The following FILIP1L variants were observed in gnomAD, a reference collection of about 807,000 sequenced individuals.
The protein encoded by FILIP1L is filamin A interacting protein 1 like.
FILIP1L carries 55 observed loss-of-function variants against 96.6 expected under a neutral mutation model. That is an observed-to-expected ratio of 0.57 (90% CI 0.46 to 0.71). The LOEUF is 0.71. FILIP1L is among the 30% of genes least tolerant of loss of function. FILIP1L has a pLI of 0.00. For synonymous variants in FILIP1L, 467 were observed against 473.9 expected (o/e 0.99, Z 0.19); for missense variants, 1,304 against 1,321.2 (o/e 0.99, Z 0.20).
At chr3:99,940,544 T>C (rs1707820720) in intron 1 of FILIP1L, among the ~76,000 whole-genome samples, 1 of 152,248 alleles carries the variant, frequency 6.6e-6, no homozygotes, top group Admixed American at 6.5e-5. Context: ...GGTCATGCCC[T>C]GAGCCAACAC....
At chr3:99,938,749 G>A (rs956198968) in intron 1 of FILIP1L, among the ~76,000 whole-genome samples, 12 of 152,136 alleles carry the variant, frequency 7.9e-5, no homozygotes. Context: ...GATGTTAATA[G>A]CGCTCAGTTG....
intron 5 of FILIP1L, among the ~76,000 whole-genome samples, chr3:99,840,580 AATG>A (rs906817136): frequency 6.6e-6 from 1 of 152,184 alleles, no homozygotes; most frequent in African/African-American, 2.4e-5. Flanking sequence ...TAAGTGGAAA[AATG>A]AGGAAGAAGT....
chr3:99,850,833 A>G lies in FILIP1L; in HGVS notation c.843T>C (p.Val281=). The G allele has an allele frequency of 6.2e-7, 1 of 1,614,032 alleles. No homozygotes were observed. Among genetic ancestry groups the G allele is most frequent in the Non-Finnish European group, 8.5e-7 (1 of 1,180,006 alleles). The change falls in exon 5 of 6, where the codon GTT becomes GTC. Residue 281 remains valine, a synonymous_variant. Transcript: ENST00000477258. ...TGGTTGCCTTCTGCTCTTCCTCCTG[A>G]ACTCTGGCTTCAGCAAGGGCTAGTT... is the stretch of plus-strand genomic sequence containing the variant. ...HTKLALAEAR[V]QEEEQKATRL...
Position 99,848,592 on chromosome 3 carries a change from C to T in FILIP1L, c.3084G>A (p.Lys1028=). The T allele has an allele frequency of 1.9e-6, 3 of 1,614,176 alleles. No homozygotes were observed. The highest frequency in any genetic ancestry group is 2.5e-6 in the Non-Finnish European group (3 of 1,180,018). Residue 1028 remains lysine, a synonymous_variant, in exon 5 of 6, where the codon AAG becomes AAA. Transcript: ENST00000477258. The part of the protein sequence containing the change: ...RSPEPTEISA[K]HAIFRVSPDR... ...CTGGGGAGACTCTGAATATCGCATG[C>T]TTGGCACTGATTTCTGTTGGTTCTG...
At chr3:100,048,694 G>A (rs952765808) in intron 1 of FILIP1L, among the ~76,000 whole-genome samples, 10 of 152,124 alleles carry the variant, frequency 6.6e-5, no homozygotes, top group Non-Finnish European at 1.3e-4. Flanking sequence ...CTCACTAAAG[G>A]AAGCAATCAA....
intron 4 of FILIP1L, among the ~76,000 whole-genome samples, chr3:99,862,374 G>T (rs767562881): frequency 1.1e-4 from 16 of 152,148 alleles, no homozygotes; most frequent in Admixed American, 2.6e-4. Context: ...TGGAATGAAA[G>T]ATATGACTAC....
intron 5 of FILIP1L, among the ~76,000 whole-genome samples, chr3:99,834,603 T>G (rs1942819514): frequency 6.6e-6 from 1 of 152,220 alleles, no homozygotes. Flanking sequence ...CCTCATTTGT[T>G]CTCTTTTTAT....
chr3:100,093,526 C>T (rs116431974), intron 1 of FILIP1L, among the ~76,000 whole-genome samples: 2,546 of 152,044 alleles, frequency 0.017, 33 homozygotes, highest in Middle Eastern at 0.031. Context: ...TGCATTTGTA[C>T]GGAATAATGC....
At chr3:99,851,766 G>C (rs1943709457) in intron 4 of FILIP1L, among the ~76,000 whole-genome samples, 1 of 152,208 alleles carries the variant, frequency 6.6e-6, no homozygotes, top group South Asian at 2.1e-4. Flanking sequence ...GCACTTCACT[G>C]ATAGACCTCT....
intron 1 of FILIP1L, among the ~76,000 whole-genome samples, chr3:100,111,390 C>T (rs1055623448): frequency 6.6e-6 from 1 of 152,146 alleles, no homozygotes; most frequent in Non-Finnish European, 1.5e-5. Context: ...ATTAGCTGGG[C>T]TAGTCCCTTA....
Position 99,935,279 on chromosome 3 carries a change from G to A in FILIP1L, c.-10-4249C>T, listed in dbSNP as rs1001635221. On this transcript the variant is annotated intron_variant, in intron 1 of 5. Coordinates refer to ENST00000477258, the MANE Select transcript of FILIP1L (RefSeq NM_001387850.1). Reference sequence around the variant, plus strand: ...TTTCAGGGTACCAAAAAAAAAAAAAGGAAAGTTGCTTTTTGTGTATGCCAA... The same window carrying A: ...TTTCAGGGTACCAAAAAAAAAAAAAAGAAAGTTGCTTTTTGTGTATGCCAA... Among the ~76,000 whole-genome samples, 55 of 126,870 alleles carry A rather than the reference G, an allele frequency of 4.3e-4. 1 individual carries two copies. The highest frequency in any genetic ancestry group is 8.7e-3 in the Middle Eastern group (2 of 230). The allele number at this position is 126,870 out of a possible 152,430, so 83.2% of individuals were successfully genotyped here.
At chr3:99,880,214 A>G (rs1308307521) in intron 4 of FILIP1L, among the ~76,000 whole-genome samples, 2 of 151,702 alleles carry the variant, frequency 1.3e-5, no homozygotes, top group Admixed American at 6.6e-5. Context: ...TTTCTAATCA[A>G]CCTCATTTCT....
intron 4 of FILIP1L, among the ~76,000 whole-genome samples, chr3:99,915,844 A>G (rs1400170647): frequency 6.6e-6 from 1 of 152,220 alleles, no homozygotes; most frequent in Non-Finnish European, 1.5e-5. Flanking sequence ...TCTCCCCTAT[A>G]CTAAACAATA....
In FILIP1L at chr3:99,850,269, G is replaced by T; in HGVS notation, c.1407C>A (p.Ile469=). Residue 469 remains isoleucine, a synonymous_variant, in exon 5 of 6, where the codon ATC becomes ATA. Transcript: ENST00000477258. The part of the protein sequence containing the change: ...SQELESLKVR[I]KELEAIESRL... ...GACTTTCAATGGCTTCTAGCTCTTT[G>T]ATCCTTACTTTTAAACTCTCCAGTT... The T allele has an allele frequency of 1.2e-6, 2 of 1,613,752 alleles. No homozygotes were observed. Among genetic ancestry groups the T allele is most frequent in the Admixed American group, 1.7e-5 (1 of 60,004 alleles).
chr3:100,075,948 G>T (rs2065843643), intron 1 of FILIP1L, among the ~76,000 whole-genome samples: 1 of 152,112 alleles, frequency 6.6e-6, no homozygotes, highest in African/African-American at 2.4e-5. Flanking sequence ...TTTCTGATAA[G>T]CTCTCCAGGC....
intron 4 of FILIP1L, among the ~76,000 whole-genome samples, chr3:99,916,947 T>A (rs1229655900): frequency 2.6e-5 from 4 of 152,208 alleles, no homozygotes; most frequent in Non-Finnish European, 5.9e-5. Context: ...GGATACAGTT[T>A]AATTCTAATA....
At chr3:100,069,153 A>G (rs1039892373) in intron 1 of FILIP1L, among the ~76,000 whole-genome samples, 1 of 152,096 alleles carries the variant, frequency 6.6e-6, no homozygotes, top group Non-Finnish European at 1.5e-5. Flanking sequence ...CTACTCCTTT[A>G]AGGTCAGTGG....
chr3:100,014,358 A>C (rs1457829804), intron 1 of FILIP1L, among the ~76,000 whole-genome samples: 1 of 152,158 alleles, frequency 6.6e-6, no homozygotes, highest in Non-Finnish European at 1.5e-5. Flanking sequence ...CTATATACCC[A>C]AAAATGGGAT....
Position 100,040,894 on chromosome 3 carries a change from A to C in FILIP1L, c.-11+73159T>G, listed in dbSNP as rs571377102. 2.4e-3 allele frequency: 371 copies of C among 152,332 alleles called. 1 individual carries two copies. The highest frequency in any genetic ancestry group is 8.4e-3 in the African/African-American group (349 of 41,584). 9.4% of individuals were successfully genotyped at this position (152,332 alleles called of 1,614,324 possible). ...TGAGCCTGGATTATGCATTTGAAAAAATGGTTTCTTTGCCTTAGGGAAGAG... is the reference window on the plus strand; with the variant it reads ...TGAGCCTGGATTATGCATTTGAAAACATGGTTTCTTTGCCTTAGGGAAGAG... On this transcript the variant is annotated intron_variant, in intron 1 of 5. Coordinates refer to ENST00000477258, the MANE Select transcript of FILIP1L (RefSeq NM_001387850.1).
Sources: gnomAD v4.1 joint callset for allele counts (sites outside exome capture counted in the v4.1 genomes callset) on GRCh38, gnomAD v4.1.1 for gene constraint, MANE v1.5 for transcripts, NCBI Gene and HGNC (gene_info 2026-07-23, HGNC 2026-07-21) for gene names.